The following FRMPD2 variants were observed in gnomAD, a reference collection of about 807,000 sequenced individuals.
FRMPD2 encodes the protein FERM and PDZ domain containing 2.
A neutral mutation model predicts 140.1 loss-of-function variants in FRMPD2; 96 were observed. The observed-to-expected ratio is 0.69, with a 90% confidence interval of 0.58 to 0.81. The LOEUF (loss-of-function observed/expected upper bound fraction) is 0.81. Among genes scored for constraint, FRMPD2 ranks in the 40% least tolerant of loss-of-function variants. FRMPD2 has a pLI of 0.00. For missense variants in FRMPD2, 1,240 were observed against 1,447.4 expected (o/e 0.86, Z 2.32); for synonymous variants, 449 against 547.6 (o/e 0.82, Z 2.52).
intron 26 of FRMPD2, 34 bp downstream of exon 26, chr10:48,170,959 GC>G (rs1838227576): frequency 1.4e-6 from 1 of 713,466 alleles, no homozygotes; most frequent in African/African-American, 1.8e-5. Flanking sequence ...GGGCCAGCCT[GC>G]ACAGAGAGCT....
intron 5 of FRMPD2, 41 bp from the exon 6 acceptor site, chr10:48,240,533 G>C (rs1373846741): frequency 6.2e-7 from 1 of 1,609,988 alleles, no homozygotes; most frequent in South Asian, 1.1e-5. Context: ...CCCAAGATAA[G>C]GAGGGGGCGT....
At chr10:48,212,233 G>T in intron 12 of FRMPD2, 124 bp from the exon 13 acceptor site, 1 of 886,682 alleles carries the variant, frequency 1.1e-6, no homozygotes, top group Non-Finnish European at 1.7e-6. Flanking sequence ...ACTTCCTCGA[G>T]GTGCCCACCT....
intron 7 of FRMPD2, among the ~76,000 whole-genome samples, chr10:48,238,423 C>T (rs1840021567): frequency 6.6e-6 from 1 of 152,214 alleles, no homozygotes; most frequent in South Asian, 2.1e-4. Context: ...CTAGAGCAAC[C>T]ACCCAGCAGG....
chr10:48,201,576 CT>C (rs1482265375), intron 14 of FRMPD2, 192 bp from the exon 15 acceptor site: 3 of 496,952 alleles, frequency 6.0e-6, no homozygotes, highest in South Asian at 2.9e-5. Flanking sequence ...TTAGTTTTTC[CT>C]TCATTCATCA....
chr10:48,249,611 G>A (rs981654232), intron 2 of FRMPD2, among the ~76,000 whole-genome samples: 7 of 152,168 alleles, frequency 4.6e-5, no homozygotes, highest in Admixed American at 1.3e-4. Context: ...TCCTCCATAG[G>A]CCCATGCTGG....
rs753500642 is a variant in FRMPD2, at chr10:48,223,136, A to G, written c.1303T>C (p.Tyr435His). 8 of 1,613,716 alleles carry G rather than the reference A, an allele frequency of 5.0e-6. No homozygotes were observed. Among genetic ancestry groups the G allele is most frequent in the Non-Finnish European group, 5.9e-6 (7 of 1,179,824 alleles). Residue 435 changes from tyrosine to histidine, a missense_variant, in exon 11 of 29, where the codon TAT becomes CAT. Coordinates refer to ENST00000374201, the MANE Select transcript of FRMPD2 (RefSeq NM_001018071.4). ...TGCAGCACTCACTGGAGCAGCCCAT[A>G]GTGGCTGACAAAGAACTTTATCCTC... ...FLRIKFFVSH[Y>H]GLLQHSLTRH...
At chr10:48,208,049 C>CATCATCATT (rs1467004517) in intron 13 of FRMPD2, among the ~76,000 whole-genome samples, 1 of 151,148 alleles carries the variant, frequency 6.6e-6, no homozygotes, top group African/African-American at 2.4e-5. Flanking sequence ...TCATCGTCAT[C>CATCATCATT]ATCATCATTA....
chr10:48,189,718 A>G (rs918569806), intron 16 of FRMPD2, among the ~76,000 whole-genome samples: 1 of 152,168 alleles, frequency 6.6e-6, no homozygotes, highest in African/African-American at 2.4e-5. Flanking sequence ...TGCTCATGGC[A>G]TTCCTTCTCT....
chr10:48,243,617 G>C, intron 4 of FRMPD2, among the ~76,000 whole-genome samples: 1 of 152,334 alleles, frequency 6.6e-6, no homozygotes, highest in Middle Eastern at 3.4e-3. Context: ...GGAACCAGAC[G>C]GGAGCAGGGA....
chr10:48,267,360 C>T (rs1369503709), intron 1 of FRMPD2, among the ~76,000 whole-genome samples: 1 of 152,100 alleles, frequency 6.6e-6, no homozygotes. Context: ...CTGAAAAATA[C>T]AATAACCAAC....
chr10:48,206,858 TCTC>T lies in FRMPD2; in HGVS notation c.1684_1686del (p.Glu562del). ...CCCTTGGCACAGATCCCCAGGGCCA[TCTC>T]CTCTTCTGGCCTCCTCTTCTCTGAG... On this transcript the variant is annotated inframe_deletion, in exon 14 of 29. Transcript: ENST00000374201. The T allele has an allele frequency of 1.2e-6, 2 of 1,614,040 alleles. No homozygotes were observed. The highest frequency in any genetic ancestry group is 1.7e-6 in the Non-Finnish European group (2 of 1,179,892).
intron 15 of FRMPD2, among the ~76,000 whole-genome samples, chr10:48,195,764 A>G (rs1490648762): frequency 6.6e-6 from 1 of 152,254 alleles, no homozygotes; most frequent in Non-Finnish European, 1.5e-5. Flanking sequence ...AATTATTGTA[A>G]TTCCACACAA....
Position 48,222,829 on chromosome 10 carries a change from G to T in FRMPD2, c.1316+294C>A, listed in dbSNP as rs189473939. On this transcript the variant is annotated intron_variant, in intron 11 of 28. Transcript: ENST00000374201. ...TCATGACTGGGCTGCTGAGTTGTGT[G>T]TTGGGGGTGAGGGGGCATTTTGGGG... Among the ~76,000 whole-genome samples, 41 of 152,290 alleles carry T rather than the reference G, an allele frequency of 2.7e-4. No homozygotes were observed. The East Asian group carries it at 6.4e-3, about 24-fold the overall frequency.
Position 48,274,643 on chromosome 10 carries a change from G to A in FRMPD2, c.-76C>T, listed in dbSNP as rs1284844510. 11 of 1,414,044 alleles carry A rather than the reference G, an allele frequency of 7.8e-6. No individual in the cohort carries two copies. The East Asian group carries it at 2.5e-4, about 32-fold the overall frequency. The allele number at this position is 1,414,044 out of a possible 1,614,324, so 87.6% of individuals were successfully genotyped here. A position where few individuals can be genotyped will look rare whatever the true frequency, so the allele number is the denominator to read the frequency against. On this transcript the variant is annotated 5_prime_UTR_variant, in exon 1 of 29. Coordinates refer to ENST00000374201, the MANE Select transcript of FRMPD2 (RefSeq NM_001018071.4). ...AACAAGGAGCAGGGGTCTCTTGCAA[G>A]TCTGTCCGCGGAGCTCCCTGCCACC...
chr10:48,268,709 T>G (rs1370199751), intron 1 of FRMPD2, among the ~76,000 whole-genome samples: 1 of 151,976 alleles, frequency 6.6e-6, no homozygotes, highest in East Asian at 1.9e-4. Context: ...TGGTAGGGAG[T>G]AGAATGGGAG....
rs376353982 is a variant in FRMPD2, at chr10:48,186,360, A to G, written c.2267-715T>C. Among the ~76,000 whole-genome samples, 12 of 152,276 alleles carry G rather than the reference A, an allele frequency of 7.9e-5. No homozygotes were observed. In the East Asian group the frequency reaches 1.9e-3, roughly 25 times the overall value. ...TTGCCTGGCAGTTTTCCTGATTGAT[A>G]TGGTTTGGCTGTGTCCCCACCCAAA... On this transcript the variant is annotated intron_variant, in intron 17 of 28. Coordinates refer to ENST00000374201, the MANE Select transcript of FRMPD2 (RefSeq NM_001018071.4).
intron 14 of FRMPD2, among the ~76,000 whole-genome samples, chr10:48,204,881 G>A (rs1041662320): frequency 6.6e-6 from 1 of 152,144 alleles, no homozygotes; most frequent in Non-Finnish European, 1.5e-5. Context: ...ACAGGTTTTT[G>A]ATTGAACAAT....
intron 14 of FRMPD2, among the ~76,000 whole-genome samples, chr10:48,202,797 A>G (rs1382666555): frequency 6.6e-6 from 1 of 152,152 alleles, no homozygotes; most frequent in Non-Finnish European, 1.5e-5. Flanking sequence ...CATTTTTTAT[A>G]TGAATAAGTC....
chr10:48,194,865 T>C (rs1370721258), intron 15 of FRMPD2, among the ~76,000 whole-genome samples: 1 of 151,900 alleles, frequency 6.6e-6, no homozygotes. Flanking sequence ...GGAGGGGGGA[T>C]TTGTTGGAAG....
Sources: gnomAD v4.1 joint callset for allele counts (sites outside exome capture counted in the v4.1 genomes callset) on GRCh38, gnomAD v4.1.1 for gene constraint, MANE v1.5 for transcripts, NCBI Gene and HGNC (gene_info 2026-07-23, HGNC 2026-07-21) for gene names.